The following ATL3 variants were observed in gnomAD, a reference collection of about 807,000 sequenced individuals.
ATL3 encodes the protein atlastin GTPase 3, also known as atlastin-3.
In ATL3, 49 loss-of-function variants were observed where a neutral mutation model predicts 69.5. That is an observed-to-expected ratio of 0.71 (90% CI 0.56 to 0.89). ATL3 has a LOEUF of 0.89. Among genes scored for constraint, ATL3 ranks in the 40% least tolerant of loss-of-function variants. The probability of loss-of-function intolerance (pLI) is 0.00; values close to 1 mark genes in which losing one functional copy is unlikely to be tolerated. For synonymous variants in ATL3, 214 were observed against 224.1 expected (o/e 0.95, Z 0.40); for missense variants, 606 against 645.7 (o/e 0.94, Z 0.67).
intron 1 of ATL3, among the ~76,000 whole-genome samples, chr11:63,668,497 A>G (rs1940652740): frequency 6.6e-6 from 1 of 152,244 alleles, no homozygotes; most frequent in Admixed American, 6.5e-5. Context: ...GGCAAATTTT[A>G]TATTTGTCTG....
intron 1 of ATL3, 107 bp from the exon 2 acceptor site, chr11:63,659,359 G>C: frequency 2.3e-6 from 2 of 872,848 alleles, no homozygotes; most frequent in East Asian, 5.3e-5. Flanking sequence ...AGGCTCAATG[G>C]CTCATGCCTA....
chr11:63,630,426 C>CA (rs758000337), intron 12 of ATL3, among the ~76,000 whole-genome samples: 825 of 31,110 alleles, frequency 0.027, 7 homozygotes, highest in African/African-American at 0.05. Flanking sequence ...AAATCTGTCT[C>CA]AAAAAAAAAA....
chr11:63,634,378 G>A (rs1374377564), intron 10 of ATL3, among the ~76,000 whole-genome samples: 1 of 151,330 alleles, frequency 6.6e-6, no homozygotes, highest in Non-Finnish European at 1.5e-5. Context: ...GTGGTGGCAG[G>A]CGCCTGCAGT....
upstream of ATL3, chr11:63,671,387 G>C: frequency 1.9e-6 from 3 of 1,542,274 alleles, no homozygotes; most frequent in Non-Finnish European, 2.6e-6. Context: ...GAGAGGGACG[G>C]GTGCGGGCGG....
intron 11 of ATL3, chr11:63,632,311 G>A (rs1326440699): frequency 5.1e-6 from 4 of 784,070 alleles, no homozygotes; most frequent in Non-Finnish European, 9.4e-6. Flanking sequence ...TGAATACGTT[G>A]GTGGTGTTGT....
At chr11:63,641,362 C>G (rs1402957895) in intron 8 of ATL3, among the ~76,000 whole-genome samples, 1 of 152,190 alleles carries the variant, frequency 6.6e-6, no homozygotes, top group Non-Finnish European at 1.5e-5. Flanking sequence ...CCCTCCCCAA[C>G]AAAATGCATG....
At chr11:63,650,588 G>A (rs1052821042) in intron 5 of ATL3, 2 of 152,092 alleles carry the variant, frequency 1.3e-5, no homozygotes, top group Non-Finnish European at 2.9e-5. Flanking sequence ...GCCTTGTCAT[G>A]TGAGACAAGG....
intron 5 of ATL3, among the ~76,000 whole-genome samples, chr11:63,649,319 T>C (rs1939993886): frequency 6.6e-6 from 1 of 152,156 alleles, no homozygotes; most frequent in African/African-American, 2.4e-5. Context: ...CTAATTTTTG[T>C]ATTTTTAGTA....
chr11:63,661,516 G>T (rs988322530), intron 1 of ATL3, among the ~76,000 whole-genome samples: 1 of 152,122 alleles, frequency 6.6e-6, no homozygotes, highest in African/African-American at 2.4e-5. Context: ...AGCTGAGATG[G>T]CAGGATTGCT....
intron 3 of ATL3, 100 bp downstream of exon 3, chr11:63,658,661 T>C: frequency 2.3e-6 from 3 of 1,299,842 alleles, no homozygotes; most frequent in Non-Finnish European, 3.1e-6. Flanking sequence ...CCATTTTAAA[T>C]TCTTTGATAA....
At chr11:63,648,245 C>T (rs912503930) in intron 5 of ATL3, among the ~76,000 whole-genome samples, 1 of 152,164 alleles carries the variant, frequency 6.6e-6, no homozygotes. Context: ...CTCCTTAGCC[C>T]TCTCACCCTA....
At chr11:63,633,675 C>A (rs948354324) in intron 10 of ATL3, among the ~76,000 whole-genome samples, 8 of 147,274 alleles carry the variant, frequency 5.4e-5, no homozygotes, top group African/African-American at 2.0e-4. Flanking sequence ...TAAGCCACCA[C>A]ACCTGGCTCC....
At chr11:63,669,423 T>C (rs1940702345) in intron 1 of ATL3, among the ~76,000 whole-genome samples, 1 of 151,528 alleles carries the variant, frequency 6.6e-6, no homozygotes, top group Non-Finnish European at 1.5e-5. Flanking sequence ...TAATCCCAGC[T>C]ACCTGGGAGG....
intron 1 of ATL3, among the ~76,000 whole-genome samples, chr11:63,659,844 C>T (rs938398238): frequency 1.3e-5 from 2 of 151,612 alleles, no homozygotes; most frequent in African/African-American, 4.9e-5. Flanking sequence ...GGCTGAGGCA[C>T]GAGAATAACT....
intron 3 of ATL3, among the ~76,000 whole-genome samples, chr11:63,656,904 C>G (rs1590740315): frequency 6.6e-6 from 1 of 152,150 alleles, no homozygotes; most frequent in South Asian, 2.1e-4. Context: ...AGTACCAACA[C>G]TCCAGCACTT....
intron 12 of ATL3, among the ~76,000 whole-genome samples, 168 bp downstream of exon 12, chr11:63,630,872 T>C (rs981378947): frequency 2.0e-5 from 3 of 151,252 alleles, no homozygotes; most frequent in Non-Finnish European, 4.4e-5. Context: ...TAAATATTAA[T>C]ATCCTAAAGG....
chr11:63,650,717 C>G (rs1169178602), intron 5 of ATL3: 1 of 152,116 alleles, frequency 6.6e-6, no homozygotes, highest in East Asian at 1.9e-4. Context: ...TTACATATAT[C>G]TATAGCACTT....
intron 5 of ATL3, 140 bp downstream of exon 5, chr11:63,651,796 A>G: frequency 1.6e-6 from 2 of 1,227,718 alleles, no homozygotes; most frequent in Non-Finnish European, 2.2e-6. Flanking sequence ...CAATGGCTAT[A>G]CATAGTATAG....
chr11:63,671,237 G>C lies in ATL3; in HGVS notation c.46+53C>G, dbSNP rs928537162. The C allele has an allele frequency of 2.6e-6, 4 of 1,537,688 alleles. No homozygotes were observed. The African/African-American group carries it at 5.7e-5, about 22-fold the overall frequency. On this transcript the variant is annotated intron_variant, in intron 1 of 12. Transcript: ENST00000398868. Reference sequence around the variant, plus strand: ...GGGGGTTCTTTTCAGAACTACAGCAGGGAAGGCGGCGGGGGTGGCCGCGGG... The same window carrying C: ...GGGGGTTCTTTTCAGAACTACAGCACGGAAGGCGGCGGGGGTGGCCGCGGG...
Sources: allele counts gnomAD v4.1 joint callset (sites outside exome capture counted in the v4.1 genomes callset), GRCh38; gene constraint gnomAD v4.1.1; transcripts MANE v1.5; gene names NCBI Gene and HGNC (gene_info 2026-07-23, HGNC 2026-07-21).